The following ZMAT4 variants were observed in gnomAD, a reference collection of about 807,000 sequenced individuals.
ZMAT4 encodes zinc finger matrin-type protein 4.
A neutral mutation model predicts 28.7 loss-of-function variants in ZMAT4; 17 were observed. The observed-to-expected ratio is 0.59, with a 90% CI of 0.41 to 0.89. The LOEUF is 0.89. Ranked by LOEUF, ZMAT4 falls within the 40% of genes least tolerant of loss-of-function variation. The probability of loss-of-function intolerance (pLI) is 0.00; values close to 1 mark genes in which losing one functional copy is unlikely to be tolerated. For synonymous variants in ZMAT4, 117 were observed against 109.2 expected, an observed-to-expected ratio of 1.07 and a Z score of -0.44; for missense variants, 240 against 283.8, an observed-to-expected ratio of 0.85 and a Z score of 1.11.
At chr8:40,728,539 C>A (rs1185190981) in intron 3 of ZMAT4, among the ~76,000 whole-genome samples, 2 of 152,090 alleles carry the variant, frequency 1.3e-5, no homozygotes, top group African/African-American at 4.8e-5. Flanking sequence ...CATCACTGAC[C>A]ACTACTAACT....
At chr8:40,872,559 G>A (rs933856877) in intron 1 of ZMAT4, among the ~76,000 whole-genome samples, 1 of 152,196 alleles carries the variant, frequency 6.6e-6, no homozygotes, top group African/African-American at 2.4e-5. Flanking sequence ...TTGGGGGTAA[G>A]GGGTGGGCCT....
At chr8:40,672,211 A>T (rs1450142799) in intron 5 of ZMAT4, among the ~76,000 whole-genome samples, 1 of 152,192 alleles carries the variant, frequency 6.6e-6, no homozygotes. Context: ...GCTGCCTGAT[A>T]CCATTTTATT....
At chr8:40,801,341 T>TAAAA (rs201742506) in intron 2 of ZMAT4, among the ~76,000 whole-genome samples, 20 of 114,614 alleles carry the variant, frequency 1.7e-4, no homozygotes, top group African/African-American at 6.0e-4. Context: ...ATACTTTCTT[T>TAAAA]AAAAAAAAAA....
chr8:40,598,923 TG>T (rs1805196245), intron 5 of ZMAT4, among the ~76,000 whole-genome samples: 1 of 152,194 alleles, frequency 6.6e-6, no homozygotes, highest in Admixed American at 6.5e-5. Flanking sequence ...TATTACAATT[TG>T]GGGTGGTGGA....
chr8:40,569,770 G>A (rs1804033746), intron 6 of ZMAT4, among the ~76,000 whole-genome samples: 1 of 152,186 alleles, frequency 6.6e-6, no homozygotes. Context: ...CCACAATGTT[G>A]TTCTTTGTAG....
intron 2 of ZMAT4, among the ~76,000 whole-genome samples, chr8:40,787,058 T>C (rs964804627): frequency 2.0e-5 from 3 of 152,196 alleles, no homozygotes; most frequent in African/African-American, 7.2e-5. Flanking sequence ...AACTGTAAAA[T>C]GTAAAGATAG....
intron 3 of ZMAT4, among the ~76,000 whole-genome samples, chr8:40,710,410 AGGC>A (rs1810556985): frequency 1.3e-5 from 2 of 152,230 alleles, no homozygotes; most frequent in African/African-American, 4.8e-5. Context: ...GATGGCATAC[AGGC>A]GAGTATCAAA....
In ZMAT4 at chr8:40,645,200, T is replaced by C. The variant is rs922053448; in HGVS notation, c.577+29504A>G. Reference sequence around the variant, plus strand: ...AACAGGAGAAGCTGGTTGTGGCATATATAAAAACTGTGCTATCTTCACCAT... The same window carrying C: ...AACAGGAGAAGCTGGTTGTGGCATACATAAAAACTGTGCTATCTTCACCAT... On this transcript the variant is annotated intron_variant, in intron 5 of 6. Transcript: ENST00000297737. Among the ~76,000 whole-genome samples, 9 of 152,166 alleles carry C rather than the reference T, an allele frequency of 5.9e-5. No individual in the cohort carries two copies. The South Asian group carries it at 6.2e-4, about 10-fold the overall frequency.
At chr8:40,748,302 G>A (rs1164835560) in intron 3 of ZMAT4, among the ~76,000 whole-genome samples, 3 of 152,206 alleles carry the variant, frequency 2.0e-5, no homozygotes, top group Non-Finnish European at 2.9e-5. Flanking sequence ...TTGCAGGCAG[G>A]TAATGGCCTT....
At chr8:40,635,349 T>A (rs910220678) in intron 5 of ZMAT4, among the ~76,000 whole-genome samples, 3 of 152,120 alleles carry the variant, frequency 2.0e-5, no homozygotes, top group Non-Finnish European at 2.9e-5. Context: ...CCTCTCTGCC[T>A]CTCATTCTCT....
At chr8:40,766,173 A>G (rs983402683) in intron 3 of ZMAT4, among the ~76,000 whole-genome samples, 1 of 152,202 alleles carries the variant, frequency 6.6e-6, no homozygotes, top group Non-Finnish European at 1.5e-5. Context: ...GCCCCTTGGC[A>G]TGATCCGCTT....
intron 1 of ZMAT4, among the ~76,000 whole-genome samples, chr8:40,866,426 A>G (rs534936207): frequency 3.9e-4 from 59 of 152,364 alleles, no homozygotes; most frequent in Middle Eastern, 3.4e-3. Flanking sequence ...CCAACAAACA[A>G]TGTGGCACAC....
At chr8:40,855,862 T>A (rs939714486) in intron 1 of ZMAT4, among the ~76,000 whole-genome samples, 1 of 151,914 alleles carries the variant, frequency 6.6e-6, no homozygotes, top group East Asian at 1.9e-4. Context: ...TTTATTTTTT[T>A]ATTTTTTTTG....
chr8:40,573,224 A>G (rs1804156438), intron 6 of ZMAT4, among the ~76,000 whole-genome samples: 1 of 152,156 alleles, frequency 6.6e-6, no homozygotes, highest in Non-Finnish European at 1.5e-5. Flanking sequence ...GTTGCCTAAA[A>G]TGTATCATAA....
intron 5 of ZMAT4, among the ~76,000 whole-genome samples, chr8:40,649,377 A>G (rs560529572): frequency 4.6e-5 from 7 of 152,232 alleles, no homozygotes; most frequent in Admixed American, 2.0e-4. Context: ...AGAGCTAACT[A>G]TCATAAATAT....
At chr8:40,540,848 G>C (rs1474419925) in intron 6 of ZMAT4, among the ~76,000 whole-genome samples, 1 of 152,168 alleles carries the variant, frequency 6.6e-6, no homozygotes, top group Non-Finnish European at 1.5e-5. Flanking sequence ...AGTATACAGA[G>C]CTCAATCCCA....
chr8:40,674,486 T>G (rs368428928), intron 5 of ZMAT4: 3 of 532,142 alleles, frequency 5.6e-6, no homozygotes, highest in East Asian at 3.1e-5. Flanking sequence ...AAGCAGTCAA[T>G]AAAAATATGA....
At chr8:40,781,074 G>C (rs142691445) in intron 2 of ZMAT4, among the ~76,000 whole-genome samples, 208 of 152,268 alleles carry the variant, frequency 1.4e-3, no homozygotes, top group African/African-American at 4.8e-3. Flanking sequence ...GGTGAGGGAA[G>C]CATCTAAACT....
intron 6 of ZMAT4, among the ~76,000 whole-genome samples, chr8:40,566,350 G>A (rs753879602): frequency 3.3e-5 from 5 of 152,170 alleles, no homozygotes; most frequent in Non-Finnish European, 5.9e-5. Context: ...AGAATGAAGA[G>A]CATTGCCCAG....
Sources: gnomAD v4.1 joint callset for allele counts (sites outside exome capture counted in the v4.1 genomes callset) on GRCh38, gnomAD v4.1.1 for gene constraint, MANE v1.5 for transcripts, NCBI Gene and HGNC (gene_info 2026-07-23, HGNC 2026-07-21) for gene names.